Variants in MOSMO observed in about 807,000 individuals in gnomAD.
MOSMO encodes the protein modulator of smoothened.
In MOSMO, 5 loss-of-function variants were observed where a neutral mutation model predicts 18.4. The ratio of observed to expected loss-of-function variants is 0.27; its 90% CI spans 0.14 to 0.57. MOSMO has a LOEUF of 0.57. Among genes scored for constraint, MOSMO ranks in the 20% least tolerant of loss-of-function variants. MOSMO has a pLI of 0.92. For synonymous variants in MOSMO, 82 were observed against 82.3 expected (o/e 1.00, Z 0.02); for missense variants, 138 against 211.8 (o/e 0.65, Z 2.16).
intron 1 of MOSMO, 40 bp downstream of exon 1, chr16:22,008,447 G>A: frequency 8.1e-7 from 1 of 1,236,394 alleles, no homozygotes; most frequent in Non-Finnish European, 1.1e-6. Context: ...GGGATTGGCT[G>A]AGGGCGACGC....
At chr16:22,026,931 T>C (rs958417882) in intron 1 of MOSMO, among the ~76,000 whole-genome samples, 1 of 152,198 alleles carries the variant, frequency 6.6e-6, no homozygotes, top group Non-Finnish European at 1.5e-5. Context: ...TTTTTTAAAT[T>C]ACAGTGTTTG....
chr16:22,085,152 C>T (rs1194238555), downstream of MOSMO: 3 of 152,198 alleles, frequency 2.0e-5, no homozygotes, highest in East Asian at 5.8e-4. Flanking sequence ...AACTATAGCT[C>T]TCTCTGGGGG....
At chr16:22,068,738 A>G (rs1270100626) in intron 1 of MOSMO, among the ~76,000 whole-genome samples, 2 of 152,034 alleles carry the variant, frequency 1.3e-5, no homozygotes, top group African/African-American at 4.8e-5. Flanking sequence ...AATTCATTGT[A>G]TGGCTATTTT....
chr16:22,036,093 T>G (rs1164657301), intron 1 of MOSMO, among the ~76,000 whole-genome samples: 1 of 152,200 alleles, frequency 6.6e-6, no homozygotes, highest in Non-Finnish European at 1.5e-5. Context: ...TTTGGAAAAG[T>G]AGAAATCCTT....
chr16:22,092,487 G>T, downstream of MOSMO: 1 of 946,076 alleles, frequency 1.1e-6, no homozygotes, highest in Non-Finnish European at 1.6e-6. Flanking sequence ...CAGTGGTGCA[G>T]TCTGTTACCT....
At position 22,083,791 on chromosome 16, in the gene MOSMO, A is replaced by G. The variant is rs1398571748; in HGVS notation, c.*2911A>G. The stretch of plus-strand genomic sequence containing the variant: ...TTGACATTTTTGGAAGCTCCTATTG[A>G]ACATACCCAAACATCTGTAAACATG... On this transcript the variant is annotated 3_prime_UTR_variant, in exon 3 of 3. Transcript: ENST00000542527. 2.5e-6 allele frequency: 1 copy of G among 402,706 alleles called. No individual in the cohort carries two copies. The allele number at this position is 402,706 out of a possible 1,614,324, so 24.9% of individuals were successfully genotyped here.
chr16:22,056,365 C>CTT (rs35642716), intron 1 of MOSMO, among the ~76,000 whole-genome samples: 184 of 54,474 alleles, frequency 3.4e-3, no homozygotes, highest in East Asian at 6.0e-3. Flanking sequence ...TTCTTTCTTT[C>CTT]TTTTTTTTTT....
chr16:22,073,959 A>T (rs941956278), intron 1 of MOSMO, among the ~76,000 whole-genome samples: 1 of 152,182 alleles, frequency 6.6e-6, no homozygotes, highest in African/African-American at 2.4e-5. Flanking sequence ...CTTAACAGTT[A>T]GCATTTGGGG....
intron 1 of MOSMO, among the ~76,000 whole-genome samples, chr16:22,029,033 G>A (rs767399036): frequency 7.2e-5 from 11 of 151,962 alleles, no homozygotes; most frequent in Non-Finnish European, 1.6e-4. Flanking sequence ...CACCATGCCC[G>A]GCTAATTTTT....
At chr16:22,018,245 A>C (rs1899681076) in intron 1 of MOSMO, among the ~76,000 whole-genome samples, 1 of 152,324 alleles carries the variant, frequency 6.6e-6, no homozygotes, top group Non-Finnish European at 1.5e-5. Flanking sequence ...AAAAAAATGC[A>C]GTTGGGTGGG....
Position 22,083,554 on chromosome 16 carries a change from A to G in MOSMO, c.*2674A>G, listed in dbSNP as rs1220362576. ...AGTTGCTTTTAAAAAAGGTCACTAT[A>G]ATAAGTACTATATAGTACAGTATTA... On this transcript the variant is annotated 3_prime_UTR_variant, in exon 3 of 3. Transcript: ENST00000542527. The G allele has an allele frequency of 2.7e-6, 1 of 366,810 alleles. No individual in the cohort carries two copies. The highest frequency in any genetic ancestry group is 5.1e-6 in the Non-Finnish European group (1 of 194,394). The allele number at this position is 366,810 out of a possible 1,614,324, so 22.7% of individuals were successfully genotyped here.
At chr16:22,080,598 G>A in intron 2 of MOSMO, 98 bp from the exon 3 acceptor site, 1 of 722,192 alleles carries the variant, frequency 1.4e-6, no homozygotes, top group Non-Finnish European at 2.1e-6. Flanking sequence ...AACAGGTTTG[G>A]CCAGCCCTTC....
chr16:22,016,912 GGAATT>G (rs1395221262), intron 1 of MOSMO, among the ~76,000 whole-genome samples: 1 of 152,134 alleles, frequency 6.6e-6, no homozygotes, highest in Non-Finnish European at 1.5e-5. Context: ...TAGTTTTAAA[GGAATT>G]TAAGAGCTGG....
chr16:22,091,393 T>G (rs1176005121), downstream of MOSMO, among the ~76,000 whole-genome samples: 12 of 152,170 alleles, frequency 7.9e-5, no homozygotes, highest in Non-Finnish European at 1.5e-4. Flanking sequence ...GCATATGTTC[T>G]TTATTTTTGA....
rs1471249825 is a variant in MOSMO at position 22,083,331 on chromosome 16, T to G, written c.*2451T>G. 1 of 156,314 alleles carries G rather than the reference T, an allele frequency of 6.4e-6. No homozygotes were observed. The highest frequency in any genetic ancestry group is 2.4e-5 in the African/African-American group (1 of 41,464). 9.7% of individuals were successfully genotyped at this position (156,314 alleles called of 1,614,324 possible). A position where few individuals can be genotyped will look rare whatever the true frequency, so the allele number is the denominator to read the frequency against. Reference sequence around the variant, plus strand: ...TAAATTGTCTTTAATTTCATTGTTGTCTTGGAGGTCCAGTGCATACAGGGC... The same window carrying G: ...TAAATTGTCTTTAATTTCATTGTTGGCTTGGAGGTCCAGTGCATACAGGGC... On this transcript the variant is annotated 3_prime_UTR_variant, in exon 3 of 3. Transcript: ENST00000542527.
At chr16:22,016,293 T>C (rs1348030624) in intron 1 of MOSMO, among the ~76,000 whole-genome samples, 1 of 152,214 alleles carries the variant, frequency 6.6e-6, no homozygotes, top group Non-Finnish European at 1.5e-5. Flanking sequence ...AAATGTGGCA[T>C]ATAAGAGATT....
chr16:22,058,713 T>C (rs1381930740), intron 1 of MOSMO, among the ~76,000 whole-genome samples: 1 of 152,160 alleles, frequency 6.6e-6, no homozygotes, highest in African/African-American at 2.4e-5. Flanking sequence ...GAGGTTTAAA[T>C]GGAGGATAAG....
chr16:22,038,307 T>G (rs1437893486), intron 1 of MOSMO, among the ~76,000 whole-genome samples: 1 of 152,038 alleles, frequency 6.6e-6, no homozygotes, highest in Admixed American at 6.6e-5. Context: ...AAATAACTAG[T>G]AGGGAGAGTA....
At chr16:22,008,608 G>T (rs976919904) in intron 1 of MOSMO, among the ~76,000 whole-genome samples, 12 of 151,994 alleles carry the variant, frequency 7.9e-5, no homozygotes, top group Non-Finnish European at 1.5e-4. Context: ...GGACCCCCGG[G>T]CTGAGGGGAG....
Sources: allele counts gnomAD v4.1 joint callset (sites outside exome capture counted in the v4.1 genomes callset), GRCh38; gene constraint gnomAD v4.1.1; transcripts MANE v1.5; gene names NCBI Gene and HGNC (gene_info 2026-07-23, HGNC 2026-07-21).